The following OLFML2B variants were observed in gnomAD, a reference collection of about 807,000 sequenced individuals.
OLFML2B encodes the protein olfactomedin-like protein 2B.
A neutral mutation model predicts 74.9 loss-of-function variants in OLFML2B; 57 were observed. The ratio of observed to expected loss-of-function variants is 0.76; its 90% CI spans 0.61 to 0.95. The LOEUF is 0.95. OLFML2B is among the 40% of genes least tolerant of loss of function. OLFML2B has a pLI of 0.00. For synonymous variants in OLFML2B, 388 were observed against 405.8 expected, an observed-to-expected ratio of 0.96 and a Z score of 0.53; for missense variants, 986 against 970.6, an observed-to-expected ratio of 1.02 and a Z score of -0.21.
At chr1:162,011,522 C>G (rs1690386882) in intron 3 of OLFML2B, among the ~76,000 whole-genome samples, 1 of 152,226 alleles carries the variant, frequency 6.6e-6, no homozygotes, top group Admixed American at 6.5e-5. Flanking sequence ...ACAGCCGGTG[C>G]TCCTGATGGC....
At position 161,998,112 on chromosome 1, in the gene OLFML2B, T is replaced by A. The variant is rs772328751; in HGVS notation, c.1187A>T (p.Gln396Leu). The A allele has an allele frequency of 1.2e-6, 2 of 1,613,890 alleles. No individual in the cohort carries two copies. Among genetic ancestry groups the A allele is most frequent in the African/African-American group, 2.7e-5 (2 of 74,902 alleles). Residue 396 changes from glutamine (Q) to leucine (L), a missense_variant, in exon 6 of 8, where the codon CAA becomes CTA. Gln to Leu is a moderately radical substitution (Grantham distance 113). Coordinates refer to ENST00000294794, the MANE Select transcript of OLFML2B (RefSeq NM_015441.3). ...ANHASVGPTLQTTSVSPDPTR... is the reference protein window; with the variant it reads ...ANHASVGPTLLTTSVSPDPTR... ...GGGATCTGGAGACACCGAGGTTGTT[T>A]GGAGTGTTGGTCCCACTGAGGCATG...
At chr1:161,990,239 T>C (rs1259378039) in intron 6 of OLFML2B, among the ~76,000 whole-genome samples, 1 of 152,230 alleles carries the variant, frequency 6.6e-6, no homozygotes, top group Admixed American at 6.5e-5. Flanking sequence ...AAATGAGTCA[T>C]TTTGGTGGAT....
chr1:162,014,401 C>G (rs927503859), intron 3 of OLFML2B, among the ~76,000 whole-genome samples: 1 of 152,130 alleles, frequency 6.6e-6, no homozygotes, highest in Non-Finnish European at 1.5e-5. Context: ...CTCCTATATA[C>G]CCAAGGTGGA....
In OLFML2B at chr1:161,983,571, A is replaced by G. The variant is rs771780338; in HGVS notation, c.*104T>C. ...TTTGCAATATTATACAAAATAATAT[A>G]TATTTTTAAACAACACATACCCACC... On this transcript the variant is annotated 3_prime_UTR_variant, in exon 8 of 8. Transcript: ENST00000294794. 1.4e-5 allele frequency: 17 copies of G among 1,233,342 alleles called. No homozygotes were observed. Among genetic ancestry groups the G allele is most frequent in the Middle Eastern group, 2.7e-4 (1 of 3,694 alleles). The allele number at this position is 1,233,342 out of a possible 1,614,324, so 76.4% of individuals were successfully genotyped here. A position where few individuals can be genotyped will look rare whatever the true frequency, so the allele number is the denominator to read the frequency against.
At chr1:162,016,049 T>C (rs1287707518) in intron 3 of OLFML2B, among the ~76,000 whole-genome samples, 1 of 152,206 alleles carries the variant, frequency 6.6e-6, no homozygotes, top group Non-Finnish European at 1.5e-5. Context: ...AAGGAACTAG[T>C]GTTCACTTTC....
chr1:161,996,251 G>T (rs1421498467), intron 6 of OLFML2B, among the ~76,000 whole-genome samples: 2 of 152,212 alleles, frequency 1.3e-5, no homozygotes, highest in Non-Finnish European at 2.9e-5. Flanking sequence ...ACCATAAGGA[G>T]AGAGAGACAG....
At chr1:162,008,087 G>C (rs1220113290) in intron 3 of OLFML2B, among the ~76,000 whole-genome samples, 1 of 152,118 alleles carries the variant, frequency 6.6e-6, no homozygotes, top group Admixed American at 6.5e-5. Context: ...GGATTTTGAA[G>C]GAAACCGGTT....
intron 4 of OLFML2B, among the ~76,000 whole-genome samples, chr1:162,005,220 C>T (rs1407719243): frequency 1.3e-5 from 2 of 152,214 alleles, no homozygotes; most frequent in East Asian, 3.8e-4. Context: ...CCAAAAGAAA[C>T]AGGCACCAAA....
In OLFML2B at chr1:161,983,590, A is replaced by G; in HGVS notation, c.*85T>C. On this transcript the variant is annotated 3_prime_UTR_variant, in exon 8 of 8. Transcript: ENST00000294794. ...TAATATATATTTTTAAACAACACATACCCACCTACACACACGTGCGCGCAC... is the reference window on the plus strand; with the variant it reads ...TAATATATATTTTTAAACAACACATGCCCACCTACACACACGTGCGCGCAC... The G allele has an allele frequency of 7.2e-7, 1 of 1,396,056 alleles. No individual in the cohort carries two copies. Among genetic ancestry groups the G allele is most frequent in the East Asian group, 2.3e-5 (1 of 43,308 alleles). The allele number at this position is 1,396,056 out of a possible 1,614,324, so 86.5% of individuals were successfully genotyped here.
intron 6 of OLFML2B, chr1:161,985,210 C>T (rs1689558837): frequency 2.2e-6 from 1 of 462,284 alleles, no homozygotes; most frequent in African/African-American, 2.0e-5. Flanking sequence ...AACTTTCACA[C>T]CACTATGCTT....
At chr1:161,992,591 C>G (rs1220737186) in intron 6 of OLFML2B, among the ~76,000 whole-genome samples, 1 of 152,188 alleles carries the variant, frequency 6.6e-6, no homozygotes, top group African/African-American at 2.4e-5. Flanking sequence ...GGAATTCTTC[C>G]TTTCACCTAA....
chr1:161,994,288 G>A (rs944829940), intron 6 of OLFML2B, among the ~76,000 whole-genome samples: 3 of 152,260 alleles, frequency 2.0e-5, no homozygotes, highest in African/African-American at 7.2e-5. Flanking sequence ...CCCCAGACCA[G>A]CCTCCCTGAC....
In OLFML2B at chr1:162,006,638, C is replaced by T. The variant is rs111306209; in HGVS notation, c.547-165G>A. ...GTGTGCCCAGCCCTGGGCTGAGCACCGGTACCAGGTCTCCTGGCAGTATTT... is the reference window on the plus strand; with the variant it reads ...GTGTGCCCAGCCCTGGGCTGAGCACTGGTACCAGGTCTCCTGGCAGTATTT... On this transcript the variant is annotated intron_variant, in intron 3 of 7. Coordinates refer to ENST00000294794, the MANE Select transcript of OLFML2B (RefSeq NM_015441.3). Among the ~76,000 whole-genome samples the T allele has an allele frequency of 6.9e-3, 1,043 of 152,116 alleles. 16 individuals are homozygous for T. The highest frequency in any genetic ancestry group is 0.024 in the African/African-American group (991 of 41,486).
In OLFML2B at chr1:161,997,835, C is replaced by A. The variant is rs555345298; in HGVS notation, c.1464G>T (p.Arg488=). Residue 488 remains arginine, a synonymous_variant, in exon 6 of 8, where the codon CGG becomes CGT. Coordinates refer to ENST00000294794, the MANE Select transcript of OLFML2B (RefSeq NM_015441.3). The part of the protein sequence containing the change: ...TLSPEEEDDI[R]NVIGRCKDTL... ...GTACAATGAACTTACCTATGACATT[C>A]CGGATGTCATCTTCTTCTTCGGGGC... is the stretch of plus-strand genomic sequence containing the variant. 2.5e-6 allele frequency: 4 copies of A among 1,612,544 alleles called. No individual in the cohort carries two copies. The highest frequency in any genetic ancestry group is 3.4e-6 in the Non-Finnish European group (4 of 1,178,992).
Position 161,998,082 on chromosome 1 carries a change from C to A in OLFML2B, c.1217G>T (p.Arg406Met). The part of the protein sequence containing the change: ...QTTSVSPDPT[R>M]ESVLQPSPQV... ...AGGAGAAGGCTGCAGGACTGACTCC[C>A]TTGTGGGATCTGGAGACACCGAGGT... The change falls in exon 6 of 8, where the codon AGG (arginine) becomes ATG (methionine). Residue 406 changes from arginine to methionine, a missense_variant. By Grantham distance (91) the Arg-to-Met change is moderately conservative. Transcript: ENST00000294794. 6.2e-7 allele frequency: 1 copy of A among 1,614,032 alleles called. No homozygotes were observed. The highest frequency in any genetic ancestry group is 2.2e-5 in the East Asian group (1 of 44,888).
In OLFML2B at chr1:161,988,315, A is replaced by G. The variant is rs1390936327; in HGVS notation, c.1475-3335T>C. On this transcript the variant is annotated intron_variant, in intron 6 of 7. Coordinates refer to ENST00000294794, the MANE Select transcript of OLFML2B (RefSeq NM_015441.3). Reference sequence around the variant, plus strand: ...AACCTCCTCAAATCTCAGCATTCTAAAAGAAATAAATCAGCAAGCAAGAGC... The same window carrying G: ...AACCTCCTCAAATCTCAGCATTCTAGAAGAAATAAATCAGCAAGCAAGAGC... Among the ~76,000 whole-genome samples the G allele has an allele frequency of 1.3e-5, 2 of 152,136 alleles. 1 individual carries two copies. Among genetic ancestry groups the G allele is most frequent in the South Asian group, 4.1e-4 (2 of 4,834 alleles).
At position 162,023,386 on chromosome 1, in the gene OLFML2B, C is replaced by T; in HGVS notation, c.45G>A (p.Val15=). The T allele has an allele frequency of 1.2e-6, 2 of 1,601,934 alleles. No homozygotes were observed. Among genetic ancestry groups the T allele is most frequent in the Non-Finnish European group, 1.7e-6 (2 of 1,172,812 alleles). Residue 15 remains valine (V), a synonymous_variant, in exon 1 of 8, where the codon GTG becomes GTA. Transcript: ENST00000294794. ...RLLVLYFALI[V]VPAWVSSIVL... is the part of the protein sequence containing the mutation. ...CAATGCTGGACACCCAGGCCGGAACCACAATCAGAGCGAAGTAGAGAACTA... is the reference window on the plus strand; with the variant it reads ...CAATGCTGGACACCCAGGCCGGAACTACAATCAGAGCGAAGTAGAGAACTA...
At position 161,998,307 on chromosome 1, in the gene OLFML2B, A is replaced by ATCAT. The variant is rs1689980359; in HGVS notation, c.991_992insATGA (p.Ile331AsnfsTer3). 5.1e-6 allele frequency: 8 copies of ATCAT among 1,583,820 alleles called. No homozygotes were observed. The highest frequency in any genetic ancestry group is 6.9e-6 in the Non-Finnish European group (8 of 1,158,966). On this transcript the variant is annotated frameshift_variant, in exon 6 of 8. Transcript: ENST00000294794. LOFTEE classifies it high-confidence loss of function. ...GTTGTGTCTCAGGAGCTGATCTTCA[A>ATCAT]TCAGCAAATCCACTCCATTGTCACC...
chr1:161,999,033 C>T (rs1043436565), intron 5 of OLFML2B, among the ~76,000 whole-genome samples: 26 of 152,154 alleles, frequency 1.7e-4, no homozygotes, highest in Admixed American at 7.9e-4. Context: ...AGGTGGCCAG[C>T]ATGACTGAAG....
Sources: gnomAD v4.1 joint callset for allele counts (sites outside exome capture counted in the v4.1 genomes callset) on GRCh38, gnomAD v4.1.1 for gene constraint, MANE v1.5 for transcripts, NCBI Gene and HGNC (gene_info 2026-07-23, HGNC 2026-07-21) for gene names.